Variants in RSU1 observed in about 807,000 individuals in gnomAD.
RSU1 encodes the protein rsu-1.
A neutral mutation model predicts 31.1 loss-of-function variants in RSU1; 26 were observed. The ratio of observed to expected loss-of-function variants is 0.84; its 90% CI spans 0.61 to 1.16. The LOEUF (loss-of-function observed/expected upper bound fraction) is 1.16, where lower values mean the gene tolerates loss of function less well. Among genes scored for constraint, RSU1 ranks in the 50% most tolerant of loss-of-function variants. The probability of loss-of-function intolerance (pLI) is 0.00; values close to 1 mark genes in which losing one functional copy is unlikely to be tolerated. For synonymous variants in RSU1, 164 were observed against 136.3 expected, an observed-to-expected ratio of 1.20 and a Z score of -1.41; for missense variants, 320 against 339.1, an observed-to-expected ratio of 0.94 and a Z score of 0.44.
At chr10:16,675,830 A>G (rs1231916131) in intron 8 of RSU1, among the ~76,000 whole-genome samples, 1 of 152,232 alleles carries the variant, frequency 6.6e-6, no homozygotes, top group Non-Finnish European at 1.5e-5. Flanking sequence ...TCCATGCTCT[A>G]AAACTTTCCT....
At chr10:16,774,015 G>T (rs1461414776) in intron 3 of RSU1, among the ~76,000 whole-genome samples, 2 of 151,764 alleles carry the variant, frequency 1.3e-5, no homozygotes, top group Non-Finnish European at 2.9e-5. Flanking sequence ...TTTGTTACTG[G>T]TTATCAATTG....
intron 7 of RSU1, among the ~76,000 whole-genome samples, chr10:16,749,105 A>G (rs1373660847): frequency 6.6e-6 from 1 of 152,212 alleles, no homozygotes; most frequent in Non-Finnish European, 1.5e-5. Context: ...CTGAATGAAT[A>G]AATGAATGAA....
intron 7 of RSU1, among the ~76,000 whole-genome samples, chr10:16,744,430 C>G (rs928827131): frequency 6.6e-6 from 1 of 152,086 alleles, no homozygotes; most frequent in Non-Finnish European, 1.5e-5. Flanking sequence ...AGCGCTGTCA[C>G]AAAAGGTAAT....
At chr10:16,595,127 G>A (rs1833589149) in intron 8 of RSU1, among the ~76,000 whole-genome samples, 1 of 152,060 alleles carries the variant, frequency 6.6e-6, no homozygotes, top group Non-Finnish European at 1.5e-5. Flanking sequence ...AGGTTGCCCA[G>A]GCTGGTGTTA....
At chr10:16,652,643 A>G (rs1168489089) in intron 8 of RSU1, among the ~76,000 whole-genome samples, 4 of 152,176 alleles carry the variant, frequency 2.6e-5, no homozygotes, top group Non-Finnish European at 5.9e-5. Context: ...CAAATGTATA[A>G]GTTTATTTGA....
At chr10:16,621,478 T>C (rs1176290824) in intron 8 of RSU1, among the ~76,000 whole-genome samples, 1 of 152,200 alleles carries the variant, frequency 6.6e-6, no homozygotes, top group Admixed American at 6.5e-5. Flanking sequence ...TGTACACTGA[T>C]GCAAGTTGTC....
chr10:16,662,528 T>C (rs1389984941), intron 8 of RSU1, among the ~76,000 whole-genome samples: 1 of 152,208 alleles, frequency 6.6e-6, no homozygotes, highest in Non-Finnish European at 1.5e-5. Context: ...CTTATAAACA[T>C]ATTGTAGCCT....
intron 7 of RSU1, among the ~76,000 whole-genome samples, chr10:16,699,137 A>G (rs1345543549): frequency 6.6e-6 from 1 of 152,226 alleles, no homozygotes; most frequent in Non-Finnish European, 1.5e-5. Context: ...AACTATTATA[A>G]ATGACAGAAA....
intron 8 of RSU1, among the ~76,000 whole-genome samples, chr10:16,659,451 C>T (rs1400626894): frequency 6.6e-6 from 1 of 151,812 alleles, no homozygotes; most frequent in Non-Finnish European, 1.5e-5. Context: ...CATTTTGTTT[C>T]TCCACATGTA....
intron 3 of RSU1, among the ~76,000 whole-genome samples, chr10:16,765,548 A>C (rs1203860381): frequency 3.3e-5 from 5 of 152,236 alleles, no homozygotes; most frequent in Non-Finnish European, 7.3e-5. Flanking sequence ...TGTAAAAGCC[A>C]AAGGCATCTT....
rs1364793846 is a variant in RSU1 at position 16,591,131 on chromosome 10, C to G, written c.*2263G>C. On this transcript the variant is annotated 3_prime_UTR_variant, in exon 9 of 9. Transcript: ENST00000345264. ...TTCACCGTGTTGCCCAGGCTGGTCTCAAACTCCTGAGCTCAGGCAATCTTC... is the reference window on the plus strand; with the variant it reads ...TTCACCGTGTTGCCCAGGCTGGTCTGAAACTCCTGAGCTCAGGCAATCTTC... 1 of 152,228 alleles carries G rather than the reference C, an allele frequency of 6.6e-6. No homozygotes were observed. The highest frequency in any genetic ancestry group is 1.5e-5 in the Non-Finnish European group (1 of 68,086). The allele number at this position is 152,228 out of a possible 1,614,324, so 9.4% of individuals were successfully genotyped here.
intron 8 of RSU1, among the ~76,000 whole-genome samples, chr10:16,631,256 G>C (rs1462687488): frequency 6.6e-6 from 1 of 152,198 alleles, no homozygotes; most frequent in Non-Finnish European, 1.5e-5. Flanking sequence ...CAATTGGGGG[G>C]ACGGTTCCGA....
chr10:16,666,678 A>C (rs1588703059), intron 8 of RSU1, among the ~76,000 whole-genome samples: 1 of 152,042 alleles, frequency 6.6e-6, no homozygotes. Context: ...AGCCACCTTA[A>C]ACTCAGGGTG....
intron 2 of RSU1, among the ~76,000 whole-genome samples, chr10:16,791,672 C>T (rs1837918883): frequency 6.6e-6 from 1 of 150,448 alleles, no homozygotes; most frequent in Non-Finnish European, 1.5e-5. Context: ...AAAACTAAAA[C>T]TCCTAGAGAA....
At chr10:16,607,446 A>G (rs1833823299) in intron 8 of RSU1, among the ~76,000 whole-genome samples, 1 of 152,232 alleles carries the variant, frequency 6.6e-6, no homozygotes, top group African/African-American at 2.4e-5. Flanking sequence ...AGTGCAGGGC[A>G]GAGAATGGTG....
At chr10:16,815,665 G>C (rs902594108) in intron 2 of RSU1, among the ~76,000 whole-genome samples, 5 of 152,108 alleles carry the variant, frequency 3.3e-5, no homozygotes, top group Non-Finnish European at 7.4e-5. Flanking sequence ...GCAGAGAAGA[G>C]AGACTTCTAG....
chr10:16,713,375 G>C (rs1836062822), intron 7 of RSU1, among the ~76,000 whole-genome samples: 2 of 152,072 alleles, frequency 1.3e-5, no homozygotes, highest in South Asian at 4.1e-4. Context: ...AGTCCCACAG[G>C]CTTTCTTCAA....
intron 2 of RSU1, among the ~76,000 whole-genome samples, chr10:16,792,229 G>C (rs915631923): frequency 9.9e-5 from 15 of 152,144 alleles, no homozygotes; most frequent in African/African-American, 3.6e-4. Flanking sequence ...TATCTGCAAA[G>C]GATTCATCAC....
chr10:16,788,639 A>G (rs1327034520), intron 2 of RSU1, among the ~76,000 whole-genome samples: 1 of 152,242 alleles, frequency 6.6e-6, no homozygotes, highest in South Asian at 2.1e-4. Context: ...TATTTTTGTT[A>G]TAACGGCCAG....
Sources: gnomAD v4.1 joint callset for allele counts (sites outside exome capture counted in the v4.1 genomes callset) on GRCh38, gnomAD v4.1.1 for gene constraint, MANE v1.5 for transcripts, NCBI Gene and HGNC (gene_info 2026-07-23, HGNC 2026-07-21) for gene names.